Variants in CACNA1D observed in about 807,000 individuals in gnomAD.
CACNA1D encodes calcium voltage-gated channel subunit alpha1 D, also known as voltage-dependent L-type calcium channel subunit alpha-1D.
Under a neutral mutation model 257.1 loss-of-function variants are expected in CACNA1D, and 55 were observed. The ratio of observed to expected loss-of-function variants is 0.21; its 90% confidence interval spans 0.17 to 0.27. The LOEUF (loss-of-function observed/expected upper bound fraction) is 0.27, where lower values mean the gene tolerates loss of function less well. CACNA1D is among the 10% of genes least tolerant of loss of function. The pLI is 1.00. For synonymous variants in CACNA1D, 980 were observed against 1,014.9 expected (o/e 0.97, Z 0.65); for missense variants, 1,876 against 2,784.0 (o/e 0.67, Z 7.34).
At chr3:53,605,922 T>A (rs2093504202) in intron 3 of CACNA1D, among the ~76,000 whole-genome samples, 1 of 152,196 alleles carries the variant, frequency 6.6e-6, no homozygotes, top group African/African-American at 2.4e-5. Flanking sequence ...TTTCCTGAAG[T>A]GTCTGCCCTC....
At chr3:53,509,583 T>C (rs2091021465) in intron 3 of CACNA1D, among the ~76,000 whole-genome samples, 1 of 152,134 alleles carries the variant, frequency 6.6e-6, no homozygotes, top group South Asian at 2.1e-4. Flanking sequence ...GAGGTGAGGC[T>C]GGAGGGAATC....
At chr3:53,640,121 C>T (rs2093934105) in intron 3 of CACNA1D, among the ~76,000 whole-genome samples, 1 of 152,154 alleles carries the variant, frequency 6.6e-6, no homozygotes, top group South Asian at 2.1e-4. Flanking sequence ...TTCGGCCTCC[C>T]AAAGTGCTGG....
chr3:53,593,878 T>C (rs998070926), intron 3 of CACNA1D, among the ~76,000 whole-genome samples: 2 of 152,184 alleles, frequency 1.3e-5, no homozygotes, highest in Admixed American at 6.5e-5. Context: ...CCAGCGGAGA[T>C]GGCTGCAGTC....
intron 3 of CACNA1D, among the ~76,000 whole-genome samples, chr3:53,618,299 G>T (rs1479834810): frequency 6.6e-6 from 1 of 152,202 alleles, no homozygotes; most frequent in Non-Finnish European, 1.5e-5. Flanking sequence ...CAGACAGCAT[G>T]TAGCTGTCCT....
chr3:53,719,906 A>T (rs772282520), intron 11 of CACNA1D, 125 bp downstream of exon 11: 16 of 899,178 alleles, frequency 1.8e-5, no homozygotes, highest in Non-Finnish European at 3.0e-5. Context: ...ATTGATACTG[A>T]ATTGCAGTCA....
intron 9 of CACNA1D, chr3:53,710,377 C>T (rs1191168814): frequency 4.4e-6 from 2 of 455,794 alleles, no homozygotes; most frequent in East Asian, 1.4e-4. Context: ...AATGAAATTG[C>T]CTGTGTTCAA....
chr3:53,724,091 AG>A (rs2094907991), intron 14 of CACNA1D, 92 bp downstream of exon 14: 7 of 1,053,986 alleles, frequency 6.6e-6, no homozygotes, highest in African/African-American at 1.6e-5. Flanking sequence ...GGAAGACAAA[AG>A]GACTCCATTT....
At chr3:53,552,485 A>G (rs1455693579) in intron 3 of CACNA1D, among the ~76,000 whole-genome samples, 3 of 152,102 alleles carry the variant, frequency 2.0e-5, no homozygotes, top group Non-Finnish European at 4.4e-5. Context: ...GGTTCAGGCA[A>G]TTCTCCTGCC....
intron 3 of CACNA1D, among the ~76,000 whole-genome samples, chr3:53,550,822 AAGAG>A (rs1320475841): frequency 6.6e-6 from 1 of 152,248 alleles, no homozygotes; most frequent in African/African-American, 2.4e-5. Flanking sequence ...TAATTAAAAA[AAGAG>A]AGACCCAGAA....
rs755537392 is a variant in CACNA1D at position 53,666,372 on chromosome 3, C to T, written c.953C>T (p.Ala318Val). 20 of 1,614,026 alleles carry T rather than the reference C, an allele frequency of 1.2e-5. No homozygotes were observed. Among genetic ancestry groups the T allele is most frequent in the East Asian group, 2.2e-5 (1 of 44,884 alleles). The change falls in exon 7 of 48, where the codon GCG becomes GTG. Residue 318 changes from alanine to valine, a missense_variant. This residue lies in a region of CACNA1D where 188 missense variants were observed against 390.4 expected (regional missense o/e 0.48). Coordinates refer to ENST00000350061, the MANE Select transcript of CACNA1D (RefSeq NM_001128840.3). ...GCTGAAGAGGACCCAGCTCCATGTGCGTTCTCAGGGAATGGACGCCAGTGT... is the reference window on the plus strand; with the variant it reads ...GCTGAAGAGGACCCAGCTCCATGTGTGTTCTCAGGGAATGGACGCCAGTGT... The part of the protein sequence containing the change: ...IVAEEDPAPC[A>V]FSGNGRQCTA...
In CACNA1D at chr3:53,502,976, G is replaced by A. The variant is rs143245195; in HGVS notation, c.483+1256G>A. Among the ~76,000 whole-genome samples, 611 of 152,250 alleles carry A rather than the reference G, an allele frequency of 4.0e-3. 8 individuals are homozygous for A. Among genetic ancestry groups the A allele is most frequent in the Non-Finnish European group, 3.6e-3 (245 of 68,020 alleles). ...GCTGGATGTTCCTAACTGAGCGAGC[G>A]TTGTAAAGGCAAACACACTAGGCTC... On this transcript the variant is annotated intron_variant, in intron 3 of 47. Transcript: ENST00000350061.
intron 3 of CACNA1D, among the ~76,000 whole-genome samples, chr3:53,574,960 C>A (rs1175451949): frequency 1.3e-5 from 2 of 152,230 alleles, no homozygotes; most frequent in East Asian, 3.8e-4. Context: ...GCAATGGTGT[C>A]TTCTCAACAA....
chr3:53,719,874 G>C (rs945044333), intron 11 of CACNA1D, 93 bp downstream of exon 11: 2 of 1,133,982 alleles, frequency 1.8e-6, no homozygotes, highest in African/African-American at 3.1e-5. Context: ...CTGGACTTGA[G>C]TTTTCCTCTG....
rs1000841646 is a variant in CACNA1D, at chr3:53,789,955, T to A, written c.4923+3003T>A. 5.9e-5 allele frequency among the ~76,000 whole-genome samples: 9 copies of A among 152,156 alleles called. No individual in the cohort carries two copies. The highest frequency in any genetic ancestry group is 3.9e-4 in the Admixed American group (6 of 15,276). On this transcript the variant is annotated intron_variant, in intron 40 of 47. Coordinates refer to ENST00000350061, the MANE Select transcript of CACNA1D (RefSeq NM_001128840.3). The surrounding 1 kb of genome is among the most constrained non-coding windows in gnomAD (Gnocchi z 4.2). ...CCTGGATCCATGTGTGGGAAGGAGC[T>A]CGGCATCCGGTGTCTTCTGGCCTCT... is the stretch of plus-strand genomic sequence containing the variant.
intron 46 of CACNA1D, 172 bp downstream of exon 46, chr3:53,808,942 C>T (rs966340531): frequency 4.6e-5 from 32 of 689,362 alleles, no homozygotes; most frequent in Non-Finnish European, 6.9e-5. Flanking sequence ...GCCATGAGTC[C>T]CATGCTGCCC....
chr3:53,781,101 T>C (rs952236215), intron 38 of CACNA1D, among the ~76,000 whole-genome samples: 4 of 152,244 alleles, frequency 2.6e-5, no homozygotes, highest in African/African-American at 9.6e-5. Flanking sequence ...TCAGCTCATA[T>C]AATAAAAGGC....
At chr3:53,581,588 C>T (rs1052198625) in intron 3 of CACNA1D, among the ~76,000 whole-genome samples, 4 of 152,140 alleles carry the variant, frequency 2.6e-5, no homozygotes, top group African/African-American at 9.7e-5. Context: ...ACTATGAGAC[C>T]GAGCAGGTAT....
Position 53,743,200 on chromosome 3 carries a change from G to A in CACNA1D, c.2918+83G>A. On this transcript the variant is annotated intron_variant, in intron 22 of 47. Transcript: ENST00000350061. ...TTTTAACATAATTGATAAAGGCTGG[G>A]CATCATTTTCATGATTATATTTAGT... The A allele has an allele frequency of 3.5e-6, 3 of 846,800 alleles. No homozygotes were observed. The East Asian group carries it at 7.3e-5, about 21-fold the overall frequency. 52.5% of individuals were successfully genotyped at this position (846,800 alleles called of 1,614,324 possible).
intron 7 of CACNA1D, among the ~76,000 whole-genome samples, chr3:53,672,257 T>C (rs2094330073): frequency 6.6e-6 from 1 of 152,144 alleles, no homozygotes; most frequent in African/African-American, 2.4e-5. Flanking sequence ...AGATCAAAGC[T>C]AAGTGTGGAG....
Sources: gnomAD v4.1 joint callset for allele counts (sites outside exome capture counted in the v4.1 genomes callset) on GRCh38, gnomAD v4.1.1 for gene constraint, gnomAD v4.1.1 regional missense constraint, Gnocchi (gnomAD v3.1) non-coding constraint, MANE v1.5 for transcripts, NCBI Gene and HGNC (gene_info 2026-07-23, HGNC 2026-07-21) for gene names.